The following IL27RA variants were observed in gnomAD, a reference collection of about 807,000 sequenced individuals.
IL27RA encodes interleukin-27 receptor subunit alpha.
Under a neutral mutation model 80.8 loss-of-function variants are expected in IL27RA, and 61 were observed. The observed-to-expected ratio is 0.76, with a 90% CI of 0.61 to 0.93. IL27RA has a LOEUF of 0.93. Ranked by LOEUF, IL27RA falls within the 40% of genes least tolerant of loss-of-function variation. The pLI is 0.00. For synonymous variants in IL27RA, 316 were observed against 332.5 expected (o/e 0.95, Z 0.54); for missense variants, 735 against 808.1 (o/e 0.91, Z 1.10).
intron 8 of IL27RA, among the ~76,000 whole-genome samples, chr19:14,046,822 C>T (rs1194009817): frequency 1.3e-5 from 2 of 151,942 alleles, no homozygotes; most frequent in Non-Finnish European, 2.9e-5. Flanking sequence ...CATAGTGAAA[C>T]CCCGTCTCTA....
chr19:14,031,917 CA>C lies in IL27RA; in HGVS notation c.47del (p.Lys16SerfsTer35). ...GAPFWLWPLPKLALLPLLWVL... is the reference protein window; with the variant it reads ...GAPFWLWPLPXLALLPLLWVL... ...CCCCTTTCTGGCTGTGGCCGCTGCC[CA>C]AGCTGGCGCTGCTGCCTCTGTTGTG... is the stretch of plus-strand genomic sequence containing the variant. On this transcript the variant is annotated frameshift_variant, in exon 1 of 14. Transcript: ENST00000263379. LOFTEE classifies it high-confidence loss of function. 6.2e-7 allele frequency: 1 copy of C among 1,608,176 alleles called. No individual in the cohort carries two copies. The highest frequency in any genetic ancestry group is 1.7e-5 in the Admixed American group (1 of 59,508).
chr19:14,052,096 C>G lies in IL27RA; in HGVS notation c.1717C>G (p.Gln573Glu). Residue 573 changes from glutamine to glutamate, a missense_variant and splice_region_variant, in exon 14 of 14, where the codon CAA becomes GAA. Transcript: ENST00000263379. ...GGATTACAGGCTCATCTCTTCCCAG[C>G]AAGTACCTGAGGCCCAGCCCCTTGG... ...NSSSGQPHME[Q>E]VPEAQPLGDL... 3 of 1,612,552 alleles carry G rather than the reference C, an allele frequency of 1.9e-6. No homozygotes were observed. The highest frequency in any genetic ancestry group is 2.5e-6 in the Non-Finnish European group (3 of 1,179,526).
chr19:14,046,204 A>G lies in IL27RA; in HGVS notation c.819A>G (p.Gly273=). The change falls in exon 7 of 14, where the codon GGA becomes GGG. Residue 273 remains glycine, a synonymous_variant. Coordinates refer to ENST00000263379, the MANE Select transcript of IL27RA (RefSeq NM_004843.4). The stretch of plus-strand genomic sequence containing the variant: ...GCTACAAAGTCTGGTTCTGGGTTGG[A>G]GGTCGTGAGCTGAGTCCAGAAGGAA... ...QVSYKVWFWV[G]GRELSPEGIT... is the part of the protein sequence containing the mutation. The G allele has an allele frequency of 6.2e-7, 1 of 1,614,096 alleles. No individual in the cohort carries two copies. Among genetic ancestry groups the G allele is most frequent in the Non-Finnish European group, 8.5e-7 (1 of 1,180,014 alleles).
At chr19:14,033,605 C>T (rs186635423) in intron 2 of IL27RA, among the ~76,000 whole-genome samples, 5 of 151,632 alleles carry the variant, frequency 3.3e-5, no homozygotes, top group African/African-American at 9.7e-5. Context: ...GCAGAGGTTG[C>T]GGTGAGCTAA....
At chr19:14,032,892 A>G (rs1048806104) in intron 2 of IL27RA, among the ~76,000 whole-genome samples, 14 of 150,998 alleles carry the variant, frequency 9.3e-5, no homozygotes. Context: ...CACTCCTTCA[A>G]TTCTAGCTTC....
intron 2 of IL27RA, among the ~76,000 whole-genome samples, chr19:14,036,105 G>A (rs939799647): frequency 1.3e-5 from 2 of 150,618 alleles, no homozygotes; most frequent in African/African-American, 4.9e-5. Flanking sequence ...AGAAGAAGAA[G>A]AAGAAGAAGA....
intron 10 of IL27RA, 107 bp downstream of exon 10, chr19:14,049,421 A>G (rs1277643242): frequency 8.7e-7 from 1 of 1,146,080 alleles, no homozygotes; most frequent in East Asian, 2.6e-5. Flanking sequence ...CAGGGACCAT[A>G]CATGGTGTCC....
At chr19:14,032,822 A>AAAAG (rs1975841678) in intron 2 of IL27RA, among the ~76,000 whole-genome samples, 3 of 116,138 alleles carry the variant, frequency 2.6e-5, no homozygotes, top group African/African-American at 8.3e-5. Flanking sequence ...AAAAAAAAAA[A>AAAAG]AAAAGAAAAG....
chr19:14,049,353 C>A, intron 10 of IL27RA, 39 bp downstream of exon 10: 2 of 1,589,720 alleles, frequency 1.3e-6, no homozygotes, highest in Non-Finnish European at 8.6e-7. Context: ...TCCCAGCCCC[C>A]ACAAGACCCA....
intron 11 of IL27RA, among the ~76,000 whole-genome samples, 194 bp from the exon 12 acceptor site, chr19:14,051,413 C>T (rs534200576): frequency 1.5e-4 from 22 of 151,450 alleles, no homozygotes; most frequent in African/African-American, 2.4e-4. Flanking sequence ...GGCGTGGTGG[C>T]GTGCGGCTGT....
intron 8 of IL27RA, 51 bp from the exon 9 acceptor site, chr19:14,048,930 G>C: frequency 1.3e-6 from 2 of 1,488,664 alleles, no homozygotes; most frequent in Admixed American, 3.4e-5. Context: ...TAGGAAATGA[G>C]CATGGGAAGG....
At chr19:14,041,394 G>T (rs1203868207) in intron 4 of IL27RA, among the ~76,000 whole-genome samples, 1 of 145,996 alleles carries the variant, frequency 6.8e-6, no homozygotes, top group Non-Finnish European at 1.5e-5. Context: ...TAGAGATGGG[G>T]TTTCGCTATT....
rs754162060 is a variant in IL27RA, at chr19:14,051,902, G to A, written c.1645G>A (p.Val549Met). 2.5e-6 allele frequency: 4 copies of A among 1,583,650 alleles called. No individual in the cohort carries two copies. Among genetic ancestry groups the A allele is most frequent in the Non-Finnish European group, 3.4e-6 (4 of 1,163,784 alleles). Residue 549 changes from valine to methionine, a missense_variant, in exon 13 of 14, where the codon GTG (valine) becomes ATG (methionine). By Grantham distance (21) the Val-to-Met change is conservative. Transcript: ENST00000263379. ...CAGGTGCTACCACCTAAGGCACAAA[G>A]TGCTGCCCCGCTGGGTCTGGGAGAA... Reference protein sequence around the residue: ...SGRCYHLRHKVLPRWVWEKVP... With the variant: ...SGRCYHLRHKMLPRWVWEKVP...
intron 6 of IL27RA, among the ~76,000 whole-genome samples, chr19:14,045,525 C>T (rs1297853880): frequency 6.0e-5 from 9 of 149,718 alleles, no homozygotes; most frequent in East Asian, 2.0e-4. Flanking sequence ...GGCGTGAACC[C>T]GGGAGGCAGA....
In IL27RA at chr19:14,033,093, CTTTTTTTT is replaced by C. The variant is rs1010935225; in HGVS notation, c.218+603_218+610del. 4.3e-5 allele frequency among the ~76,000 whole-genome samples: 5 copies of C among 117,178 alleles called. No homozygotes were observed. The East Asian group carries it at 1.0e-3, about 24-fold the overall frequency. 76.9% of individuals were successfully genotyped at this position (117,178 alleles called of 152,430 possible). A position where few individuals can be genotyped will look rare whatever the true frequency, so the allele number is the denominator to read the frequency against. ...GTTCAGAGTTTTAGAGAGCCCGTCA[CTTTTTTTT>C]TTTTTTTTTTTTGAAACGGAGTTTC... is the stretch of plus-strand genomic sequence containing the variant. On this transcript the variant is annotated intron_variant, in intron 2 of 13. Transcript: ENST00000263379.
intron 2 of IL27RA, among the ~76,000 whole-genome samples, chr19:14,038,422 T>A (rs1167253379): frequency 6.6e-6 from 1 of 150,978 alleles, no homozygotes; most frequent in African/African-American, 2.4e-5. Flanking sequence ...TACAAAAAAT[T>A]TAAAAATTAG....
chr19:14,031,920 G>C lies in IL27RA; in HGVS notation c.48G>C (p.Lys16Asn), dbSNP rs752769222. Residue 16 changes from lysine (K) to asparagine (N), a missense_variant, in exon 1 of 14, where the codon AAG becomes AAC. Lys to Asn is a moderately conservative substitution (Grantham distance 94). Transcript: ENST00000263379. ...CTTTCTGGCTGTGGCCGCTGCCCAA[G>C]CTGGCGCTGCTGCCTCTGTTGTGGG... is the stretch of plus-strand genomic sequence containing the variant. ...GAPFWLWPLPKLALLPLLWVL... is the reference protein window; with the variant it reads ...GAPFWLWPLPNLALLPLLWVL... The C allele has an allele frequency of 1.6e-4, 257 of 1,608,484 alleles. No individual in the cohort carries two copies. Among genetic ancestry groups the C allele is most frequent in the Middle Eastern group, 3.3e-4 (2 of 6,070 alleles).
Position 14,050,776 on chromosome 19 carries a change from G to T in IL27RA, c.1421G>T (p.Ser474Ile). 2 of 1,613,180 alleles carry T rather than the reference G, an allele frequency of 1.2e-6. No homozygotes were observed. Among genetic ancestry groups the T allele is most frequent in the Non-Finnish European group, 1.7e-6 (2 of 1,179,326 alleles). Residue 474 changes from serine to isoleucine, a missense_variant, in exon 11 of 14, where the codon AGT becomes ATT. Transcript: ENST00000263379. ...TCTCCAGTGAGTGGCAACACACAGA[G>T]TGTCACCCTGCCTGACCTTCCTTGG... The part of the protein sequence containing the change: ...VCMNVSGNTQ[S>I]VTLPDLPWGP...
chr19:14,038,302 CT>C (rs1189556309), intron 2 of IL27RA, among the ~76,000 whole-genome samples: 1 of 152,066 alleles, frequency 6.6e-6, no homozygotes, highest in Non-Finnish European at 1.5e-5. Flanking sequence ...GCCACTACCC[CT>C]GGCTAATTTT....
Sources: gnomAD v4.1 joint callset for allele counts (sites outside exome capture counted in the v4.1 genomes callset) on GRCh38, gnomAD v4.1.1 for gene constraint, MANE v1.5 for transcripts, NCBI Gene and HGNC (gene_info 2026-07-23, HGNC 2026-07-21) for gene names.